Variants in ZNF385B observed in about 807,000 individuals in gnomAD.
ZNF385B encodes the protein zinc finger protein 533.
ZNF385B carries 23 observed loss-of-function variants against 39.2 expected under a neutral mutation model. The observed-to-expected ratio is 0.59, with a 90% CI of 0.42 to 0.83. The LOEUF (loss-of-function observed/expected upper bound fraction) is 0.83. Ranked by LOEUF, ZNF385B falls within the 40% of genes least tolerant of loss-of-function variation. The probability of loss-of-function intolerance (pLI) is 0.00; values close to 1 mark genes in which losing one functional copy is unlikely to be tolerated. For synonymous variants in ZNF385B, 205 were observed against 222.6 expected, an observed-to-expected ratio of 0.92 and a Z score of 0.70; for missense variants, 552 against 598.9, an observed-to-expected ratio of 0.92 and a Z score of 0.82.
At chr2:179,574,681 G>A (rs1350833039) in intron 3 of ZNF385B, among the ~76,000 whole-genome samples, 1 of 152,162 alleles carries the variant, frequency 6.6e-6, no homozygotes, top group Non-Finnish European at 1.5e-5. Context: ...AGTCATACTT[G>A]TACATTGAAG....
intron 3 of ZNF385B, among the ~76,000 whole-genome samples, chr2:179,677,510 T>C (rs1696999021): frequency 6.6e-6 from 1 of 152,224 alleles, no homozygotes; most frequent in South Asian, 2.1e-4. Flanking sequence ...GTGAGAAGCT[T>C]TATGAGGCTT....
chr2:179,504,635 G>A (rs1376193354), intron 5 of ZNF385B, among the ~76,000 whole-genome samples: 1 of 151,784 alleles, frequency 6.6e-6, no homozygotes, highest in Non-Finnish European at 1.5e-5. Context: ...CAGTGATGAT[G>A]AGCATTTTTT....
At chr2:179,642,933 A>G (rs1000289500) in intron 3 of ZNF385B, among the ~76,000 whole-genome samples, 4 of 152,156 alleles carry the variant, frequency 2.6e-5, no homozygotes, top group Non-Finnish European at 5.9e-5. Flanking sequence ...ATGCGGAAGT[A>G]TCATGACTGT....
chr2:179,466,455 T>C (rs2052027933), intron 6 of ZNF385B, among the ~76,000 whole-genome samples: 1 of 152,198 alleles, frequency 6.6e-6, no homozygotes, highest in Admixed American at 6.5e-5. Context: ...TTCTGTTCTT[T>C]GGCAAGATTT....
intron 3 of ZNF385B, chr2:179,745,605 T>C (rs1428334815): frequency 1.5e-5 from 15 of 970,076 alleles, no homozygotes; most frequent in East Asian, 3.0e-5. Flanking sequence ...GTCAGCACAA[T>C]GTGATAAACA....
chr2:179,460,045 G>C (rs926938146), intron 6 of ZNF385B, among the ~76,000 whole-genome samples: 3 of 151,876 alleles, frequency 2.0e-5, no homozygotes, highest in Non-Finnish European at 4.4e-5. Context: ...CAGAGGTTGC[G>C]GTGAGCCGAG....
At chr2:179,854,326 G>A (rs904794828) in intron 1 of ZNF385B, among the ~76,000 whole-genome samples, 2 of 151,668 alleles carry the variant, frequency 1.3e-5, no homozygotes, top group African/African-American at 4.8e-5. Context: ...AAATTCTCTG[G>A]GTCTCATTTT....
Position 179,661,821 on chromosome 2 carries a change from T to C in ZNF385B, c.298+107682A>G, listed in dbSNP as rs866558015. Among the ~76,000 whole-genome samples, 4 of 152,230 alleles carry C rather than the reference T, an allele frequency of 2.6e-5. No individual in the cohort carries two copies. In the South Asian group the frequency reaches 8.3e-4, roughly 32 times the overall value. ...ATATCAGTGTGTGCATGAACTTGTG[T>C]CATAGCTGTTCATATTGTTCCCTCA... On this transcript the variant is annotated intron_variant, in intron 3 of 9. Transcript: ENST00000410066.
chr2:179,480,331 G>A lies in ZNF385B; in HGVS notation c.715+2941C>T, dbSNP rs113169911. Among the ~76,000 whole-genome samples, 926 of 152,236 alleles carry A rather than the reference G, an allele frequency of 6.1e-3. 13 individuals are homozygous for A. Among genetic ancestry groups the A allele is most frequent in the African/African-American group, 0.021 (878 of 41,536 alleles). ...ACATTGTCTGAAATAAAACATTTCA[G>A]TCAATTATCACAGTCACCATTCCTC... On this transcript the variant is annotated intron_variant, in intron 6 of 9. Coordinates refer to ENST00000410066, the MANE Select transcript of ZNF385B (RefSeq NM_152520.6).
In ZNF385B at chr2:179,556,977, A is replaced by G. The variant is rs561855368; in HGVS notation, c.299-12008T>C. ...TTTATTTTGGAAACCTCCCTAAAAAATACAACTTTTCCTAGGAAAAGTGTA... is the reference window on the plus strand; with the variant it reads ...TTTATTTTGGAAACCTCCCTAAAAAGTACAACTTTTCCTAGGAAAAGTGTA... On this transcript the variant is annotated intron_variant, in intron 3 of 9. Transcript: ENST00000410066. Among the ~76,000 whole-genome samples, 3 of 149,606 alleles carry G rather than the reference A, an allele frequency of 2.0e-5. No individual in the cohort carries two copies. In the East Asian group the frequency reaches 5.8e-4, roughly 29 times the overall value.
At chr2:179,755,781 C>T (rs933597964) in intron 3 of ZNF385B, among the ~76,000 whole-genome samples, 1 of 152,150 alleles carries the variant, frequency 6.6e-6, no homozygotes, top group African/African-American at 2.4e-5. Context: ...TTTCCATTTG[C>T]TTGGTAGATC....
intron 3 of ZNF385B, among the ~76,000 whole-genome samples, chr2:179,618,319 G>T (rs984589174): frequency 2.6e-5 from 4 of 152,052 alleles, no homozygotes; most frequent in African/African-American, 9.7e-5. Flanking sequence ...ACCTTTTCAT[G>T]GTCAATATCT....
Position 179,836,507 on chromosome 2 carries a change from C to T in ZNF385B, c.-155+24594G>A, listed in dbSNP as rs1047014831. ...CAAGATATCTGAATCAAGGTTCTTG[C>T]GTTTTCTTTTTTTTTTTTTTTTGAG... On this transcript the variant is annotated intron_variant, in intron 1 of 9. Coordinates refer to ENST00000410066, the MANE Select transcript of ZNF385B (RefSeq NM_152520.6). Among the ~76,000 whole-genome samples the T allele has an allele frequency of 3.0e-3, 341 of 113,098 alleles. 1 individual carries two copies. Among genetic ancestry groups the T allele is most frequent in the African/African-American group, 0.012 (324 of 27,866 alleles). The allele number at this position is 113,098 out of a possible 152,430, so 74.2% of individuals were successfully genotyped here. A position where few individuals can be genotyped will look rare whatever the true frequency, so the allele number is the denominator to read the frequency against.
rs71029822 is a variant in ZNF385B at position 179,607,908 on chromosome 2, CTTT to C, written c.299-62942_299-62940del. ...CACAAACTTTGTCTTCTCAGAAACT[CTTT>C]TTTTTTTTTTTTTTTTTTTGAGATG... On this transcript the variant is annotated intron_variant, in intron 3 of 9. Transcript: ENST00000410066. Among the ~76,000 whole-genome samples the C allele has an allele frequency of 2.3e-3, 220 of 97,444 alleles. 1 individual carries two copies. The highest frequency in any genetic ancestry group is 7.7e-3 in the South Asian group (22 of 2,868). The allele number at this position is 97,444 out of a possible 152,430, so 63.9% of individuals were successfully genotyped here.
intron 6 of ZNF385B, among the ~76,000 whole-genome samples, chr2:179,471,992 A>G (rs1337766064): frequency 6.6e-6 from 1 of 152,238 alleles, no homozygotes; most frequent in Non-Finnish European, 1.5e-5. Context: ...CATTGATACG[A>G]ATGCTACATT....
intron 1 of ZNF385B, among the ~76,000 whole-genome samples, chr2:179,810,345 TTAAA>T (rs2106565739): frequency 6.6e-6 from 1 of 152,022 alleles, no homozygotes; most frequent in African/African-American, 2.4e-5. Context: ...ATCTGAAATC[TTAAA>T]ATGCATATAA....
chr2:179,569,117 G>T (rs1684922273), intron 3 of ZNF385B, among the ~76,000 whole-genome samples: 1 of 152,058 alleles, frequency 6.6e-6, no homozygotes, highest in South Asian at 2.1e-4. Flanking sequence ...AGGAAACAGG[G>T]CACAGAAAGA....
chr2:179,651,806 G>T (rs994465285), intron 3 of ZNF385B, among the ~76,000 whole-genome samples: 1 of 152,134 alleles, frequency 6.6e-6, no homozygotes, highest in Non-Finnish European at 1.5e-5. Context: ...AACAAAGTCA[G>T]AGCTAAGGTA....
chr2:179,459,529 A>G (rs966812674), intron 6 of ZNF385B, among the ~76,000 whole-genome samples: 1 of 152,074 alleles, frequency 6.6e-6, no homozygotes, highest in African/African-American at 2.4e-5. Context: ...AGTTAGCAGT[A>G]AAAATACCAA....
Sources: allele counts gnomAD v4.1 joint callset (sites outside exome capture counted in the v4.1 genomes callset), GRCh38; gene constraint gnomAD v4.1.1; transcripts MANE v1.5; gene names NCBI Gene and HGNC (gene_info 2026-07-23, HGNC 2026-07-21).